The following TBC1D15 variants were observed in gnomAD, a reference collection of about 807,000 sequenced individuals.
TBC1D15 encodes the protein GAP for RAB7.
A neutral mutation model predicts 95.4 loss-of-function variants in TBC1D15; 39 were observed. The ratio of observed to expected loss-of-function variants is 0.41; its 90% CI spans 0.32 to 0.53. TBC1D15 has a LOEUF of 0.53. TBC1D15 is among the 20% of genes least tolerant of loss of function. The probability of loss-of-function intolerance (pLI) is 0.29; values close to 1 mark genes in which losing one functional copy is unlikely to be tolerated. For missense variants in TBC1D15, 733 were observed against 794.3 expected, an observed-to-expected ratio of 0.92 and a Z score of 0.93; for synonymous variants, 258 against 261.3, an observed-to-expected ratio of 0.99 and a Z score of 0.12.
chr12:71,850,375 C>T lies in TBC1D15; in HGVS notation c.30+10564C>T, dbSNP rs117101018. On this transcript the variant is annotated intron_variant, in intron 1 of 16. Transcript: ENST00000485960. Reference sequence around the variant, plus strand: ...CCTGCCATGTGGAGCCGGCGGGGTTCGCACAGTGGGCCACCCAGCTCCTTC... The same window carrying T: ...CCTGCCATGTGGAGCCGGCGGGGTTTGCACAGTGGGCCACCCAGCTCCTTC... 9.2e-4 allele frequency: 290 copies of T among 314,032 alleles called. 1 individual carries two copies. The East Asian group carries it at 0.022, about 24-fold the overall frequency. The allele number at this position is 314,032 out of a possible 1,614,324, so 19.5% of individuals were successfully genotyped here.
Position 71,860,951 on chromosome 12 carries a change from C to T in TBC1D15, c.31-11119C>T, listed in dbSNP as rs528752122. ...TATTATAAAATGCTTTTTTTCCTGTCTATTGAGATGATCGTATGATTTTTA... is the reference window on the plus strand; with the variant it reads ...TATTATAAAATGCTTTTTTTCCTGTTTATTGAGATGATCGTATGATTTTTA... On this transcript the variant is annotated intron_variant, in intron 1 of 16. Transcript: ENST00000485960. Among the ~76,000 whole-genome samples, 12 of 152,120 alleles carry T rather than the reference C, an allele frequency of 7.9e-5. No homozygotes were observed. The South Asian group carries it at 2.1e-3, about 26-fold the overall frequency.
chr12:71,879,946 TTTA>T (rs771425841), intron 3 of TBC1D15, among the ~76,000 whole-genome samples: 15 of 152,334 alleles, frequency 9.8e-5, no homozygotes, highest in Admixed American at 7.2e-4. Flanking sequence ...GACTTTTGGT[TTTA>T]TTATCTTTAA....
chr12:71,845,157 T>C (rs1000301072), intron 1 of TBC1D15, among the ~76,000 whole-genome samples: 4 of 151,938 alleles, frequency 2.6e-5, no homozygotes, highest in Admixed American at 2.6e-4. Flanking sequence ...AAGGCAGAAA[T>C]GTTTTATGTG....
intron 1 of TBC1D15, among the ~76,000 whole-genome samples, chr12:71,854,282 T>C (rs974277821): frequency 1.1e-4 from 16 of 152,184 alleles, no homozygotes; most frequent in Admixed American, 5.2e-4. Context: ...TTATTATTAT[T>C]ATTTTTCTGG....
In TBC1D15 at chr12:71,885,563, G is replaced by A. The variant is rs147872646; in HGVS notation, c.554+542G>A. Among the ~76,000 whole-genome samples the A allele has an allele frequency of 6.9e-3, 1,049 of 152,258 alleles. 9 individuals are homozygous for A. The highest frequency in any genetic ancestry group is 0.014 in the Middle Eastern group (4 of 294). On this transcript the variant is annotated intron_variant, in intron 5 of 16. Transcript: ENST00000485960. ...GGGTATCTGTTACATCCCAACACTG[G>A]TAGTTGCTTGATATTTAGTAGTGAA...
At chr12:71,842,849 A>G (rs1885379161) in intron 1 of TBC1D15, among the ~76,000 whole-genome samples, 1 of 148,856 alleles carries the variant, frequency 6.7e-6, no homozygotes, top group East Asian at 2.0e-4. Context: ...AAAAAAAAAA[A>G]GAAAAGAAAA....
At chr12:71,885,059 T>C (rs1257529435) in intron 5 of TBC1D15, 38 bp downstream of exon 5, 1 of 1,597,044 alleles carries the variant, frequency 6.3e-7, no homozygotes, top group African/African-American at 1.3e-5. Flanking sequence ...TGAAACCAGA[T>C]CATTGTATTA....
chr12:71,877,348 G>T (rs1894106634), intron 3 of TBC1D15, among the ~76,000 whole-genome samples: 1 of 149,262 alleles, frequency 6.7e-6, no homozygotes. Flanking sequence ...CTTTTAATAT[G>T]GAAACTTCTG....
intron 10 of TBC1D15, among the ~76,000 whole-genome samples, chr12:71,906,736 T>C (rs528683469): frequency 6.6e-6 from 1 of 152,250 alleles, no homozygotes; most frequent in South Asian, 2.1e-4. Flanking sequence ...TGCTTTTAAT[T>C]CATTGAAAAT....
At position 71,880,582 on chromosome 12, in the gene TBC1D15, TA is replaced by T. The variant is rs1565999665; in HGVS notation, c.322del (p.Arg108GlyfsTer25). Reference sequence around the variant, plus strand: ...GGGACATGGTTAATACAGTTTCATTTAAAAGGAAACCACATACCAATGGAGG... The same window carrying T: ...GGGACATGGTTAATACAGTTTCATTTAAAGGAAACCACATACCAATGGAGG... Reference protein sequence around the residue: ...EWDMVNTVSFKRKPHTNGDAP... With the variant: ...EWDMVNTVSFXRKPHTNGDAP... On this transcript the variant is annotated frameshift_variant, in exon 4 of 17. Coordinates refer to ENST00000485960, the MANE Select transcript of TBC1D15 (RefSeq NM_001146213.3). LOFTEE classifies it high-confidence loss of function. 1 of 1,611,150 alleles carries T rather than the reference TA, an allele frequency of 6.2e-7. No homozygotes were observed. The highest frequency in any genetic ancestry group is 1.7e-5 in the Admixed American group (1 of 59,438).
At chr12:71,893,531 C>T (rs1897592079) in intron 6 of TBC1D15, among the ~76,000 whole-genome samples, 1 of 151,682 alleles carries the variant, frequency 6.6e-6, no homozygotes, top group Admixed American at 6.6e-5. Context: ...GACTCAGAGG[C>T]TTCCTTGGTT....
chr12:71,861,414 T>A (rs1031406723), intron 1 of TBC1D15: 3 of 1,480,218 alleles, frequency 2.0e-6, no homozygotes, highest in Non-Finnish European at 1.8e-6. Context: ...GGTTTTTGGT[T>A]TCTTCTTGAT....
Position 71,896,572 on chromosome 12 carries a change from A to C in TBC1D15, c.985-105A>C, listed in dbSNP as rs1040778169. 1.7e-5 allele frequency: 15 copies of C among 891,480 alleles called. No homozygotes were observed. The Admixed American group carries it at 3.8e-4, about 23-fold the overall frequency. The allele number at this position is 891,480 out of a possible 1,614,324, so 55.2% of individuals were successfully genotyped here. On this transcript the variant is annotated intron_variant, in intron 8 of 16. Coordinates refer to ENST00000485960, the MANE Select transcript of TBC1D15 (RefSeq NM_001146213.3). ...CTGAATTGAACTATTTACATATATG[A>C]AACTACCTCTTAAAGATTAGTTTTC...
In TBC1D15 at chr12:71,854,968, C is replaced by T. The variant is rs139316669; in HGVS notation, c.30+15157C>T. 1.5e-3 allele frequency: 627 copies of T among 406,076 alleles called. 3 individuals are homozygous for T. The highest frequency in any genetic ancestry group is 0.012 in the African/African-American group (576 of 48,096). The allele number at this position is 406,076 out of a possible 1,614,324, so 25.2% of individuals were successfully genotyped here. Reference sequence around the variant, plus strand: ...AGACTTTACATTTTGTGTATTAGTCCGTTATCACACTGCTATAAAGAAATA... The same window carrying T: ...AGACTTTACATTTTGTGTATTAGTCTGTTATCACACTGCTATAAAGAAATA... On this transcript the variant is annotated intron_variant, in intron 1 of 16. Transcript: ENST00000485960.
intron 10 of TBC1D15, 150 bp downstream of exon 10, chr12:71,898,091 C>A (rs999557052): frequency 3.8e-6 from 2 of 532,938 alleles, no homozygotes; most frequent in Non-Finnish European, 6.6e-6. Flanking sequence ...GTTTAATGTT[C>A]TTTGTTGTTC....
At chr12:71,916,092 T>C (rs1363297568) in intron 12 of TBC1D15, among the ~76,000 whole-genome samples, 2 of 152,162 alleles carry the variant, frequency 1.3e-5, no homozygotes, top group African/African-American at 4.8e-5. Flanking sequence ...ACAAGTGATC[T>C]GATGAACTTT....
intron 5 of TBC1D15, among the ~76,000 whole-genome samples, chr12:71,887,527 T>G (rs1217248658): frequency 2.0e-5 from 3 of 152,228 alleles, no homozygotes; most frequent in African/African-American, 7.2e-5. Context: ...TGCAGATTTC[T>G]TTCAGTTCCT....
intron 5 of TBC1D15, among the ~76,000 whole-genome samples, chr12:71,887,610 C>T (rs1429257731): frequency 6.6e-6 from 1 of 152,158 alleles, no homozygotes; most frequent in Non-Finnish European, 1.5e-5. Context: ...ATATTTTCCT[C>T]TCTTTCTGAT....
chr12:71,856,277 A>G (rs993413988), intron 1 of TBC1D15, among the ~76,000 whole-genome samples: 3 of 152,166 alleles, frequency 2.0e-5, no homozygotes, highest in African/African-American at 7.2e-5. Flanking sequence ...ACTTTTAGTA[A>G]TATCTCAGAT....
Sources: allele counts gnomAD v4.1 joint callset (sites outside exome capture counted in the v4.1 genomes callset), GRCh38; gene constraint gnomAD v4.1.1; transcripts MANE v1.5; gene names NCBI Gene and HGNC (gene_info 2026-07-23, HGNC 2026-07-21).